Variants in LPGAT1 observed in about 807,000 individuals in gnomAD.
LPGAT1 encodes the protein acyl-CoA:lysophosphatidylglycerol acyltransferase 1.
A neutral mutation model predicts 47.5 loss-of-function variants in LPGAT1; 11 were observed. The ratio of observed to expected loss-of-function variants is 0.23; its 90% CI spans 0.15 to 0.38. The LOEUF (loss-of-function observed/expected upper bound fraction) is 0.38, where lower values mean the gene tolerates loss of function less well. Ranked by LOEUF, LPGAT1 falls within the 10% of genes least tolerant of loss-of-function variation. The pLI, the probability that LPGAT1 is intolerant of heterozygous loss-of-function variation, is 1.00. For synonymous variants in LPGAT1, 138 were observed against 144.2 expected (o/e 0.96, Z 0.31); for missense variants, 293 against 439.0 (o/e 0.67, Z 2.97).
rs779899755 is a variant in LPGAT1 at position 211,783,461 on chromosome 1, C to T, written c.495G>A (p.Lys165=). The T allele has an allele frequency of 6.2e-7, 1 of 1,613,996 alleles. No homozygotes were observed. ...TGCTCCTGTAATTATTTTCTAAGTG[C>T]TTCTTGAGAAGCAGCAGCTGTTGGT... ...YRDQQLLLLK[K]HLENNYRSRD... is the part of the protein sequence containing the mutation. Residue 165 remains lysine (K), a synonymous_variant, in exon 5 of 8, where the codon AAG becomes AAA. Transcript: ENST00000366997.
intron 7 of LPGAT1, 85 bp downstream of exon 7, chr1:211,750,876 G>T (rs912174268): frequency 9.5e-5 from 93 of 974,890 alleles, no homozygotes; most frequent in Non-Finnish European, 1.4e-4. Flanking sequence ...CAAGTTTCAA[G>T]ATCTAATATG....
At chr1:211,809,199 C>T (rs1185458392) in intron 2 of LPGAT1, among the ~76,000 whole-genome samples, 5 of 144,006 alleles carry the variant, frequency 3.5e-5, no homozygotes, top group Non-Finnish European at 6.1e-5. Context: ...TGCGAGACTC[C>T]AAAAAAAAAA....
intron 6 of LPGAT1, among the ~76,000 whole-genome samples, chr1:211,766,390 G>A (rs545934527): frequency 1.3e-5 from 2 of 151,960 alleles, no homozygotes; most frequent in African/African-American, 4.8e-5. Context: ...CTTACAACGG[G>A]GTTACATTGT....
intron 2 of LPGAT1, among the ~76,000 whole-genome samples, chr1:211,815,717 C>G (rs1483454033): frequency 3.3e-5 from 5 of 151,948 alleles, no homozygotes; most frequent in Non-Finnish European, 7.4e-5. Flanking sequence ...CCCTCACTCC[C>G]TCCCTGCTGC....
intron 2 of LPGAT1, among the ~76,000 whole-genome samples, chr1:211,797,146 C>T (rs1490144671): frequency 2.6e-5 from 4 of 152,092 alleles, no homozygotes; most frequent in Non-Finnish European, 5.9e-5. Flanking sequence ...ATCCCAGCTA[C>T]TTTGGAGCCT....
rs150552771 is a variant in LPGAT1, at chr1:211,783,358, T to C, written c.598A>G (p.Lys200Glu). 458 of 1,614,074 alleles carry C rather than the reference T, an allele frequency of 2.8e-4. No individual in the cohort carries two copies. In the Middle Eastern group the frequency reaches 5.6e-3, roughly 20 times the overall value. ...KRRETSQAFA[K>E]KNNLPFLTNV... ...GTAAGAAATGGCAAGTTATTTTTCTTGGCAAATGCCTGACTTGTTTCTCGC... is the reference window on the plus strand; with the variant it reads ...GTAAGAAATGGCAAGTTATTTTTCTCGGCAAATGCCTGACTTGTTTCTCGC... Residue 200 changes from lysine (K) to glutamate (E), a missense_variant, in exon 5 of 8, where the codon AAG becomes GAG. Physicochemically the swap from Lys to Glu is moderately conservative, Grantham distance 56. Coordinates refer to ENST00000366997, the MANE Select transcript of LPGAT1 (RefSeq NM_014873.3).
chr1:211,743,815 G>C lies in LPGAT1; in HGVS notation c.*6084C>G, dbSNP rs1656841544. ...CAAAACAGCAGCCTAAATACAGATAGAAAAATAAGAGGTAGACACGACTGT... is the reference window on the plus strand; with the variant it reads ...CAAAACAGCAGCCTAAATACAGATACAAAAATAAGAGGTAGACACGACTGT... On this transcript the variant is annotated 3_prime_UTR_variant, in exon 8 of 8. Transcript: ENST00000366997. 6.6e-6 allele frequency: 1 copy of C among 152,038 alleles called. No homozygotes were observed. 9.4% of individuals were successfully genotyped at this position (152,038 alleles called of 1,614,324 possible).
At position 211,787,699 on chromosome 1, in the gene LPGAT1, T is replaced by C; in HGVS notation, c.386A>G (p.Asp129Gly). ...AAAGTTTGTGTACTTAAAAATATGA[T>C]CCATCAACCACATCATCTGAGCAAC... ...LVVAQMMWLM[D>G]HIFKYTNFGI... The change falls in exon 4 of 8, where the codon GAT (aspartate) becomes GGT (glycine). Residue 129 changes from aspartate to glycine, a missense_variant. Coordinates refer to ENST00000366997, the MANE Select transcript of LPGAT1 (RefSeq NM_014873.3). The C allele has an allele frequency of 6.2e-7, 1 of 1,608,028 alleles. No individual in the cohort carries two copies. The highest frequency in any genetic ancestry group is 1.1e-5 in the South Asian group (1 of 90,188).
At chr1:211,764,618 C>T (rs1030855973) in intron 6 of LPGAT1, among the ~76,000 whole-genome samples, 1 of 152,108 alleles carries the variant, frequency 6.6e-6, no homozygotes, top group African/African-American at 2.4e-5. Flanking sequence ...TTAGGCCTAA[C>T]AACATACTAA....
intron 2 of LPGAT1, among the ~76,000 whole-genome samples, chr1:211,803,628 C>T (rs930600087): frequency 1.3e-5 from 2 of 152,096 alleles, no homozygotes; most frequent in African/African-American, 4.8e-5. Context: ...TAAAAGTGAA[C>T]AGTTTTATAC....
intron 2 of LPGAT1, among the ~76,000 whole-genome samples, chr1:211,812,592 T>C (rs1005673135): frequency 5.3e-5 from 8 of 152,162 alleles, no homozygotes; most frequent in Non-Finnish European, 8.8e-5. Context: ...GATATCCATG[T>C]CAAATCCCTG....
intron 4 of LPGAT1, among the ~76,000 whole-genome samples, chr1:211,786,275 C>A (rs1287941199): frequency 6.6e-6 from 1 of 152,218 alleles, no homozygotes; most frequent in African/African-American, 2.4e-5. Flanking sequence ...TGTTTTGTGA[C>A]ACTTATTTTC....
intron 6 of LPGAT1, among the ~76,000 whole-genome samples, chr1:211,764,228 G>T (rs1030825025): frequency 6.6e-6 from 1 of 151,020 alleles, no homozygotes; most frequent in Admixed American, 6.6e-5. Flanking sequence ...CTGTGTCTAT[G>T]ATTATACCTA....
chr1:211,787,417 A>G (rs1001686368), intron 4 of LPGAT1, among the ~76,000 whole-genome samples: 4 of 147,772 alleles, frequency 2.7e-5, no homozygotes, highest in African/African-American at 7.5e-5. Context: ...GAACCCAGGA[A>G]GTGGAGGTTA....
At chr1:211,758,387 T>C (rs377459200) in intron 6 of LPGAT1, among the ~76,000 whole-genome samples, 23 of 152,316 alleles carry the variant, frequency 1.5e-4, no homozygotes, top group African/African-American at 5.5e-4. Flanking sequence ...TTATTTTTCT[T>C]GTCATATTGC....
chr1:211,803,764 CTTTT>C (rs372453326), intron 2 of LPGAT1, among the ~76,000 whole-genome samples: 2 of 139,022 alleles, frequency 1.4e-5, no homozygotes, highest in African/African-American at 5.2e-5. Flanking sequence ...GTTTTTCTTT[CTTTT>C]TTTTTTTTTT....
At chr1:211,800,992 A>G (rs1659551816) in intron 2 of LPGAT1, among the ~76,000 whole-genome samples, 1 of 152,252 alleles carries the variant, frequency 6.6e-6, no homozygotes, top group Non-Finnish European at 1.5e-5. Context: ...GGGGTTCCCC[A>G]GTGAAATATT....
intron 2 of LPGAT1, among the ~76,000 whole-genome samples, chr1:211,794,716 A>T (rs190896941): frequency 4.6e-5 from 7 of 152,346 alleles, no homozygotes; most frequent in Admixed American, 3.3e-4. Flanking sequence ...ATTCTACATT[A>T]GTATTCTTTA....
chr1:211,750,316 A>G (rs985785443), intron 7 of LPGAT1, among the ~76,000 whole-genome samples: 1 of 152,176 alleles, frequency 6.6e-6, no homozygotes, highest in Non-Finnish European at 1.5e-5. Flanking sequence ...TTTCCATATC[A>G]GAAAAGATAT....
Sources: gnomAD v4.1 joint callset for allele counts (sites outside exome capture counted in the v4.1 genomes callset) on GRCh38, gnomAD v4.1.1 for gene constraint, MANE v1.5 for transcripts, NCBI Gene and HGNC (gene_info 2026-07-23, HGNC 2026-07-21) for gene names.